The following FAH variants were observed in gnomAD, a reference collection of about 807,000 sequenced individuals.
FAH encodes fumarylacetoacetase.
A neutral mutation model predicts 55.8 loss-of-function variants in FAH; 47 were observed. That is an observed-to-expected ratio of 0.84 (90% CI 0.67 to 1.07). The LOEUF (loss-of-function observed/expected upper bound fraction) is 1.07. Ranked by LOEUF, FAH falls within the 50% of genes least tolerant of loss-of-function variation. FAH has a pLI of 0.00. For synonymous variants in FAH, 199 were observed against 207.7 expected (o/e 0.96, Z 0.36); for missense variants, 495 against 545.9 (o/e 0.91, Z 0.93).
chr15:80,172,132 A>G lies in FAH; in HGVS notation c.607-17A>G. 1 of 1,589,236 alleles carries G rather than the reference A, an allele frequency of 6.3e-7. No individual in the cohort carries two copies. Among genetic ancestry groups the G allele is most frequent in the Non-Finnish European group, 8.6e-7 (1 of 1,158,232 alleles). On this transcript the variant is annotated splice_polypyrimidine_tract_variant and intron_variant, in intron 7 of 13. Coordinates refer to ENST00000561421, the MANE Select transcript of FAH (RefSeq NM_000137.4). ...GCAGATCAGCTCCAGATTCTAATGA[A>G]CTCTCCCCCATGTAAGGCTTTTTTT...
chr15:80,161,283 T>C (rs1265960901), intron 4 of FAH, among the ~76,000 whole-genome samples: 1 of 152,092 alleles, frequency 6.6e-6, no homozygotes, highest in Admixed American at 6.5e-5. Context: ...TTTTTTTTTT[T>C]TTTGTTATGG....
At chr15:80,173,937 C>T (rs1005579039) in intron 9 of FAH, among the ~76,000 whole-genome samples, 10 of 152,146 alleles carry the variant, frequency 6.6e-5, no homozygotes, top group Admixed American at 5.9e-4. Context: ...TGCTGGGGGC[C>T]TCTACCAACA....
chr15:80,160,746 G>T (rs2041142069), intron 4 of FAH, among the ~76,000 whole-genome samples: 2 of 152,336 alleles, frequency 1.3e-5, no homozygotes, highest in South Asian at 4.1e-4. Context: ...TTCCCCCAAA[G>T]GCTATGGGAC....
At position 80,153,176 on chromosome 15, in the gene FAH, T is replaced by G. The variant is rs558321563; in HGVS notation, c.81+41T>G. The G allele has an allele frequency of 6.0e-3, 2,488 of 416,270 alleles. 6 individuals carry two copies. The highest frequency in any genetic ancestry group is 8.7e-3 in the Non-Finnish European group (2,183 of 250,090). 25.8% of individuals were successfully genotyped at this position (416,270 alleles called of 1,614,324 possible). A position where few individuals can be genotyped will look rare whatever the true frequency, so the allele number is the denominator to read the frequency against. ...TTGGCGTCCGGGCGCGGGGAGGGAG[T>G]GGAGTGGAGTGGAGTGGAGTGGAGT... On this transcript the variant is annotated intron_variant, in intron 1 of 13. Transcript: ENST00000561421.
intron 7 of FAH, among the ~76,000 whole-genome samples, chr15:80,169,897 G>A (rs575666060): frequency 1.3e-5 from 2 of 152,222 alleles, no homozygotes; most frequent in African/African-American, 2.4e-5. Context: ...ACATGCAGTT[G>A]TGAGAAATAG....
intron 4 of FAH, among the ~76,000 whole-genome samples, chr15:80,161,479 A>G (rs1161019655): frequency 6.6e-6 from 1 of 151,184 alleles, no homozygotes; most frequent in Non-Finnish European, 1.5e-5. Context: ...TTGAGGAGAC[A>G]TTTAGGAAGA....
At chr15:80,172,328 T>A (rs775117796) in intron 8 of FAH, 80 bp downstream of exon 8, 1 of 1,049,410 alleles carries the variant, frequency 9.5e-7, no homozygotes, top group South Asian at 1.3e-5. Context: ...AAGCTGAAGA[T>A]CTGGTGCAGG....
chr15:80,175,127 T>G, intron 10 of FAH, 36 bp downstream of exon 10: 2 of 1,563,538 alleles, frequency 1.3e-6, no homozygotes, highest in Non-Finnish European at 1.8e-6. Context: ...CCAGGAGCTC[T>G]GAGGCAATGT....
chr15:80,168,503 G>C (rs2041215244), intron 7 of FAH, 187 bp downstream of exon 7: 2 of 637,632 alleles, frequency 3.1e-6, no homozygotes, highest in African/African-American at 3.7e-5. Flanking sequence ...TTCTGTATTT[G>C]AGAATTCACA....
chr15:80,160,067 C>T (rs1466420041), intron 3 of FAH, 190 bp downstream of exon 3: 27 of 820,734 alleles, frequency 3.3e-5, no homozygotes, highest in Non-Finnish European at 4.2e-5. Context: ...ATTGCCTTGG[C>T]GCCTGGAATG....
At chr15:80,186,006 G>A (rs2041367429) in intron 13 of FAH, 124 bp from the exon 14 acceptor site, 1 of 784,046 alleles carries the variant, frequency 1.3e-6, no homozygotes, top group East Asian at 2.5e-5. Flanking sequence ...ATATGTGTGT[G>A]TGATTCTGAT....
intron 10 of FAH, among the ~76,000 whole-genome samples, chr15:80,175,494 C>T (rs866584879): frequency 4.6e-5 from 7 of 152,266 alleles, no homozygotes; most frequent in African/African-American, 9.6e-5. Flanking sequence ...TGGGTCTGTT[C>T]GCTTGGCTGA....
Position 80,175,071 on chromosome 15 carries a change from A to G in FAH, c.893A>G (p.Asn298Ser). Residue 298 changes from asparagine (N) to serine (S), a missense_variant, in exon 10 of 14, where the codon AAC (asparagine) becomes AGC (serine). Asn to Ser is a conservative substitution (Grantham distance 46, BLOSUM62 1). Transcript: ENST00000561421. ...GACGAGCCCTACACATTTGACATCA[A>G]CCTCTCTGTTAACCTGAAAGGTATG... ...CHDEPYTFDI[N>S]LSVNLKGEGM... 2 of 1,613,872 alleles carry G rather than the reference A, an allele frequency of 1.2e-6. No individual in the cohort carries two copies. The highest frequency in any genetic ancestry group is 2.2e-5 in the East Asian group (1 of 44,846).
rs1276283182 is a variant in FAH, at chr15:80,153,087, C to T, written c.33C>T (p.Asp11=). ...TCATCCCGGTGGCCGAGGATTCCGA[C>T]TTCCCCATCCACAACCTGCCCTACG... MSFIPVAEDS[D]FPIHNLPYGV... The change falls in exon 1 of 14, where the codon GAC becomes GAT. Residue 11 remains aspartate (D), a synonymous_variant. Coordinates refer to ENST00000561421, the MANE Select transcript of FAH (RefSeq NM_000137.4). 2 of 1,613,812 alleles carry T rather than the reference C, an allele frequency of 1.2e-6. No individual in the cohort carries two copies. The highest frequency in any genetic ancestry group is 1.7e-6 in the Non-Finnish European group (2 of 1,180,026).
At chr15:80,153,210 GTGGAA>G (rs1567112946) in intron 1 of FAH, 75 bp downstream of exon 1, 1 of 782,722 alleles carries the variant, frequency 1.3e-6, no homozygotes. Context: ...GTGGAGTGGA[GTGGAA>G]TGGAGTGGAA....
intron 7 of FAH, among the ~76,000 whole-genome samples, chr15:80,171,119 G>C (rs1024394708): frequency 1.3e-5 from 2 of 150,776 alleles, no homozygotes; most frequent in African/African-American, 4.9e-5. Flanking sequence ...TATACTTTAA[G>C]TTTTAGGGTA....
Position 80,168,052 on chromosome 15 carries a change from G to T in FAH, c.456G>T (p.Trp152Cys), listed in dbSNP as rs370686447. 6.2e-7 allele frequency: 1 copy of T among 1,613,550 alleles called. No homozygotes were observed. ...GCATTCTCTTGCCTTCCTTTCTCAGGCTGCACTTACCAGTGGGCTACCATG... is the reference window on the plus strand; with the variant it reads ...GCATTCTCTTGCCTTCCTTTCTCAGTCTGCACTTACCAGTGGGCTACCATG... ...RDKENALMPNWLHLPVGYHGR... is the reference protein window; with the variant it reads ...RDKENALMPNCLHLPVGYHGR... Residue 152 changes from tryptophan to cysteine, a missense_variant and splice_region_variant, in exon 6 of 14, where the codon TGG becomes TGT. Physicochemically the swap from Trp to Cys is radical, Grantham distance 215. Coordinates refer to ENST00000561421, the MANE Select transcript of FAH (RefSeq NM_000137.4).
intron 5 of FAH, among the ~76,000 whole-genome samples, chr15:80,164,824 C>A (rs7164048): frequency 0.058 from 8,840 of 152,318 alleles, 325 homozygotes; most frequent in Middle Eastern, 0.082. Context: ...TCACCAGAGG[C>A]AACTACTTTG....
rs752395852 is a variant in FAH, at chr15:80,177,521, C to A, written c.914-16C>A. 1 of 1,612,524 alleles carries A rather than the reference C, an allele frequency of 6.2e-7. No individual in the cohort carries two copies. Among genetic ancestry groups the A allele is most frequent in the African/African-American group, 1.3e-5 (1 of 74,874 alleles). The stretch of plus-strand genomic sequence containing the variant: ...TGGAATTAAGTTTTCATCAATATTG[C>A]TTTTCTTTCCAACAGGAGAAGGAAT... On this transcript the variant is annotated splice_polypyrimidine_tract_variant and intron_variant, in intron 10 of 13. Transcript: ENST00000561421.
Sources: allele counts gnomAD v4.1 joint callset (sites outside exome capture counted in the v4.1 genomes callset), GRCh38; gene constraint gnomAD v4.1.1; transcripts MANE v1.5; gene names NCBI Gene and HGNC (gene_info 2026-07-23, HGNC 2026-07-21).